DPRX: variants seen among roughly 807,000 people sequenced by gnomAD.
DPRX encodes divergent-paired related homeobox.
A neutral mutation model predicts 8.4 loss-of-function variants in DPRX; 11 were observed. That is an observed-to-expected ratio of 1.31 (90% CI 0.82 to 2.17). DPRX has a LOEUF of 2.17. Among genes scored for constraint, DPRX ranks in the 30% most tolerant of loss-of-function variants. The pLI is 0.00. For synonymous variants in DPRX, 72 were observed against 87.0 expected (o/e 0.83, Z 0.96); for missense variants, 211 against 236.7 (o/e 0.89, Z 0.71).
At chr19:53,612,776 A>G in the DPRX span, among the ~76,000 whole-genome samples, 1 of 152,050 alleles carries the variant, frequency 6.6e-6, no homozygotes, top group African/African-American at 2.4e-5. Context: ...GAAGAAAGAA[A>G]AGAAATAGGA....
chr19:53,631,996 G>A, upstream of DPRX: 1 of 1,453,882 alleles, frequency 6.9e-7, no homozygotes. Flanking sequence ...AGAGAAAGGT[G>A]GAGGAGGTGG....
At position 53,632,142 on chromosome 19, in the gene DPRX, A is replaced by G; in HGVS notation, c.28+8A>G. 6.2e-7 allele frequency: 1 copy of G among 1,614,068 alleles called. No homozygotes were observed. Among genetic ancestry groups the G allele is most frequent in the Non-Finnish European group, 8.5e-7 (1 of 1,179,996 alleles). On this transcript the variant is annotated splice_region_variant and intron_variant, in intron 1 of 2. Coordinates refer to ENST00000376650, the Ensembl canonical transcript of DPRX. ...CAGAGGATCTTCGTAAAGGTAAGCC[A>G]GAAAAAATGAGAACCGAAGCAAAGA...
the DPRX span, among the ~76,000 whole-genome samples, chr19:53,613,592 C>T: frequency 2.0e-5 from 3 of 151,566 alleles, no homozygotes; most frequent in East Asian, 5.8e-4. Flanking sequence ...ACTCCTGACC[C>T]CAAGGGATCT....
the DPRX span, among the ~76,000 whole-genome samples, chr19:53,604,096 G>C: frequency 6.6e-6 from 1 of 151,834 alleles, no homozygotes; most frequent in Admixed American, 6.6e-5. Context: ...GGCATTCCAC[G>C]CTGCCCATGC....
chr19:53,617,131 A>G, the DPRX span: 2 of 1,234,860 alleles, frequency 1.6e-6, no homozygotes, highest in East Asian at 2.3e-5. Context: ...GATCGAATGC[A>G]CCAAATATCC....
chr19:53,617,923 A>G, the DPRX span, among the ~76,000 whole-genome samples: 1 of 151,868 alleles, frequency 6.6e-6, no homozygotes, highest in African/African-American at 2.4e-5. Flanking sequence ...GCAGATCACG[A>G]GGTCAGGAGT....
At chr19:53,607,808 G>A in the DPRX span, among the ~76,000 whole-genome samples, 20 of 150,426 alleles carry the variant, frequency 1.3e-4, no homozygotes, top group South Asian at 3.8e-3. Flanking sequence ...CTGAAATTGT[G>A]CGACCGAAAT....
At chr19:53,613,512 T>C in the DPRX span, among the ~76,000 whole-genome samples, 1 of 149,936 alleles carries the variant, frequency 6.7e-6, no homozygotes, top group Non-Finnish European at 1.5e-5. Flanking sequence ...CATGCCCCGC[T>C]AATTTTTTTT....
chr19:53,601,483 CTTTT>C, the DPRX span: 197 of 308,352 alleles, frequency 6.4e-4, no homozygotes, highest in South Asian at 1.0e-3. Context: ...AATGCCTATT[CTTTT>C]TTTTTTTTTT....
chr19:53,612,552 CA>C, the DPRX span, among the ~76,000 whole-genome samples: 2 of 151,688 alleles, frequency 1.3e-5, no homozygotes, highest in Non-Finnish European at 2.9e-5. Flanking sequence ...ATGAAAAATA[CA>C]AAAATTAGCC....
chr19:53,632,502 G>A (rs1223631660), intron 1 of DPRX, among the ~76,000 whole-genome samples: 1 of 151,834 alleles, frequency 6.6e-6, no homozygotes, highest in Non-Finnish European at 1.5e-5. Flanking sequence ...TAGAGCCGGG[G>A]GTTTCACCAT....
At chr19:53,619,031 A>G in the DPRX span, among the ~76,000 whole-genome samples, 1 of 151,946 alleles carries the variant, frequency 6.6e-6, no homozygotes, top group Non-Finnish European at 1.5e-5. Flanking sequence ...GGAAATGGAG[A>G]CCTTTCATTT....
chr19:53,635,605 T>A (rs2091109030), intron 2 of DPRX, among the ~76,000 whole-genome samples: 1 of 151,966 alleles, frequency 6.6e-6, no homozygotes, highest in Admixed American at 6.6e-5. Context: ...GGACTCAAAC[T>A]CCTGAAATCA....
chr19:53,613,597 G>T, the DPRX span, among the ~76,000 whole-genome samples: 8 of 150,884 alleles, frequency 5.3e-5, no homozygotes, highest in African/African-American at 1.7e-4. Context: ...TGACCCCAAG[G>T]GATCTGCCCA....
chr19:53,618,831 C>T, the DPRX span, among the ~76,000 whole-genome samples: 4 of 151,808 alleles, frequency 2.6e-5, no homozygotes, highest in Admixed American at 6.6e-5. Flanking sequence ...TACAGGCATA[C>T]GCCACCAAAC....
the DPRX span, among the ~76,000 whole-genome samples, chr19:53,609,942 G>T: frequency 1.4e-3 from 218 of 151,724 alleles, no homozygotes; most frequent in African/African-American, 5.0e-3. Context: ...CTGACATCAT[G>T]CCACTGCACT....
upstream of DPRX, among the ~76,000 whole-genome samples, chr19:53,631,827 T>C (rs1199759194): frequency 1.3e-5 from 2 of 152,242 alleles, no homozygotes; most frequent in East Asian, 3.9e-4. Context: ...GCCAGGATTC[T>C]GCATTTTAAC....
upstream of DPRX, among the ~76,000 whole-genome samples, chr19:53,631,595 A>C (rs768862062): frequency 2.4e-4 from 36 of 151,956 alleles, no homozygotes; most frequent in African/African-American, 4.8e-4. Context: ...CTCCGTCTCT[A>C]CTAAAAATAC....
chr19:53,629,339 A>C (rs539601452), upstream of DPRX, among the ~76,000 whole-genome samples: 2 of 150,196 alleles, frequency 1.3e-5, no homozygotes, highest in East Asian at 3.9e-4. Context: ...AAAAAGAGGA[A>C]TGAGATACCG....
Sources: gnomAD v4.1 joint callset for allele counts (sites outside exome capture counted in the v4.1 genomes callset) on GRCh38, gnomAD v4.1.1 for gene constraint, MANE v1.5 for transcripts, NCBI Gene and HGNC (gene_info 2026-07-23, HGNC 2026-07-21) for gene names.